Variants in COL21A1 observed in about 807,000 individuals in gnomAD.
The protein encoded by COL21A1 is collagen alpha-1(XXI) chain.
COL21A1 carries 149 observed loss-of-function variants against 137.9 expected under a neutral mutation model. The observed-to-expected ratio is 1.08, with a 90% CI of 0.95 to 1.24. The LOEUF (loss-of-function observed/expected upper bound fraction) is 1.24. COL21A1 is among the 50% of genes most tolerant of loss of function. The probability of loss-of-function intolerance (pLI) is 0.00; values close to 1 mark genes in which losing one functional copy is unlikely to be tolerated. For missense variants in COL21A1, 1,167 were observed against 1,158.4 expected (o/e 1.01, Z -0.11); for synonymous variants, 456 against 391.5 (o/e 1.16, Z -1.95).
intron 29 of COL21A1, 136 bp from the exon 30 acceptor site, chr6:56,057,980 G>A (rs1434500841): frequency 2.0e-5 from 11 of 561,396 alleles, no homozygotes; most frequent in Non-Finnish European, 2.0e-5. Flanking sequence ...TATAGTAGAG[G>A]CATTTTCTTG....
intron 1 of COL21A1, among the ~76,000 whole-genome samples, chr6:56,332,580 G>GC (rs138594043): frequency 1.1e-4 from 16 of 147,564 alleles, no homozygotes; most frequent in African/African-American, 3.4e-4. Flanking sequence ...TCACCAAATA[G>GC]CCCCCCCGCC....
chr6:56,297,680 AAC>A (rs1264070449), intron 1 of COL21A1, among the ~76,000 whole-genome samples: 2 of 152,160 alleles, frequency 1.3e-5, no homozygotes, highest in Non-Finnish European at 2.9e-5. Flanking sequence ...ATCCCTAAAA[AAC>A]AAGCATGTTT....
At chr6:56,155,591 A>C (rs1388955312) in intron 10 of COL21A1, among the ~76,000 whole-genome samples, 1 of 152,178 alleles carries the variant, frequency 6.6e-6, no homozygotes, top group Non-Finnish European at 1.5e-5. Context: ...TGACATTCAA[A>C]CATTCAAAAG....
At chr6:56,128,414 A>G (rs2152217249) in intron 12 of COL21A1, among the ~76,000 whole-genome samples, 1 of 152,244 alleles carries the variant, frequency 6.6e-6, no homozygotes, top group African/African-American at 2.4e-5. Context: ...TTGTCAGCTC[A>G]TATGGAAGGT....
At chr6:56,214,365 G>A (rs1428828216) in intron 1 of COL21A1, among the ~76,000 whole-genome samples, 1 of 152,040 alleles carries the variant, frequency 6.6e-6, no homozygotes, top group African/African-American at 2.4e-5. Flanking sequence ...TATGTGAAAA[G>A]CATCTCACTG....
intron 1 of COL21A1, among the ~76,000 whole-genome samples, chr6:56,268,294 C>A (rs867588939): frequency 3.9e-5 from 6 of 152,116 alleles, no homozygotes; most frequent in African/African-American, 1.4e-4. Flanking sequence ...CCCCACAGCC[C>A]GGAACATCTA....
intron 1 of COL21A1, among the ~76,000 whole-genome samples, chr6:56,274,513 A>G (rs1421378837): frequency 6.6e-6 from 1 of 152,226 alleles, no homozygotes; most frequent in African/African-American, 2.4e-5. Context: ...TGACTTCAAA[A>G]AAGTTTCAAG....
chr6:56,259,383 C>T (rs1358534547), intron 1 of COL21A1, among the ~76,000 whole-genome samples: 1 of 152,208 alleles, frequency 6.6e-6, no homozygotes, highest in African/African-American at 2.4e-5. Flanking sequence ...ACCACTGGTG[C>T]TATCATTCTA....
intron 1 of COL21A1, among the ~76,000 whole-genome samples, chr6:56,357,547 A>G (rs1336342454): frequency 3.3e-5 from 5 of 152,240 alleles, no homozygotes; most frequent in African/African-American, 1.2e-4. Context: ...GATGAATTCC[A>G]TAACATTTTT....
At chr6:56,269,653 TCAAAAAAAAAAA>T (rs1763477818) in intron 1 of COL21A1, among the ~76,000 whole-genome samples, 1 of 40,260 alleles carries the variant, frequency 2.5e-5, no homozygotes, top group African/African-American at 1.0e-4. Flanking sequence ...AGACTCCGTC[TCAAAAAAAAAAA>T]AAAAAAAAAA....
rs779484509 is a variant in COL21A1, at chr6:56,059,236, GGT to G, written c.2613_2614del (p.Pro872ArgfsTer71). 9.4e-6 allele frequency: 15 copies of G among 1,603,972 alleles called. No homozygotes were observed. The East Asian group carries it at 3.1e-4, about 34-fold the overall frequency. ...GCTCCCTTTTTCCCCATTTCTTCCTGGTAGGCCTGCAGGGTGTCAAACATCTG... is the reference window on the plus strand; with the variant it reads ...GCTCCCTTTTTCCCCATTTCTTCCTGAGGCCTGCAGGGTGTCAAACATCTG... On this transcript the variant is annotated frameshift_variant, in exon 29 of 30. Transcript: ENST00000244728. LOFTEE classifies it high-confidence loss of function.
chr6:56,100,066 G>C (rs1424606754), intron 17 of COL21A1, among the ~76,000 whole-genome samples: 1 of 152,188 alleles, frequency 6.6e-6, no homozygotes, highest in East Asian at 1.9e-4. Flanking sequence ...TTGCAGTCAA[G>C]GTTCTCCATT....
At position 56,222,137 on chromosome 6, in the gene COL21A1, G is replaced by T. The variant is rs1780872664; in HGVS notation, c.-39+25250C>A. 2.0e-5 allele frequency among the ~76,000 whole-genome samples: 3 copies of T among 152,094 alleles called. 1 individual carries two copies. Among genetic ancestry groups the T allele is most frequent in the African/African-American group, 7.2e-5 (3 of 41,420 alleles). ...AAAATACAAAAATTAGCCGGGCATG[G>T]TGGTGCATGCCTGTAATCCCAACTA... On this transcript the variant is annotated intron_variant, in intron 1 of 29. Coordinates refer to ENST00000244728, the MANE Select transcript of COL21A1 (RefSeq NM_030820.4).
At chr6:56,070,542 C>A (rs1264094298) in intron 21 of COL21A1, among the ~76,000 whole-genome samples, 4 of 151,480 alleles carry the variant, frequency 2.6e-5, no homozygotes, top group Non-Finnish European at 4.4e-5. Context: ...AAGTTTATAT[C>A]TTTATTATCC....
rs561515556 is a variant in COL21A1, at chr6:56,060,244, C to T, written c.2408-26G>A. On this transcript the variant is annotated intron_variant, in intron 27 of 29. Transcript: ENST00000244728. ...CTTTCAAAAACAAAGAAACCCCATC[C>T]CTTATGTTTAAATGGTGAGTTGGTG... The T allele has an allele frequency of 7.6e-4, 1,167 of 1,539,868 alleles. 16 individuals carry two copies. In the South Asian group the frequency reaches 0.013, roughly 17 times the overall value.
intron 20 of COL21A1, among the ~76,000 whole-genome samples, chr6:56,073,846 A>G (rs1766973939): frequency 6.6e-6 from 1 of 151,464 alleles, no homozygotes; most frequent in Non-Finnish European, 1.5e-5. Flanking sequence ...TCCACTAAAT[A>G]AAAATACCAA....
intron 1 of COL21A1, among the ~76,000 whole-genome samples, chr6:56,307,030 G>A (rs1255067627): frequency 2.0e-5 from 3 of 152,228 alleles, no homozygotes; most frequent in Admixed American, 2.0e-4. Flanking sequence ...AGAGGCTGCA[G>A]AACAGCAGAT....
intron 14 of COL21A1, among the ~76,000 whole-genome samples, chr6:56,125,175 C>T (rs1772938988): frequency 6.6e-6 from 1 of 151,706 alleles, no homozygotes; most frequent in Non-Finnish European, 1.5e-5. Context: ...CTCACACCAC[C>T]ACGCCCAGCT....
At chr6:56,365,071 T>C (rs978998050) in intron 1 of COL21A1, among the ~76,000 whole-genome samples, 1 of 152,170 alleles carries the variant, frequency 6.6e-6, no homozygotes, top group African/African-American at 2.4e-5. Context: ...TTGGGGTTCC[T>C]AACATGGATT....
Sources: allele counts gnomAD v4.1 joint callset (sites outside exome capture counted in the v4.1 genomes callset), GRCh38; gene constraint gnomAD v4.1.1; transcripts MANE v1.5; gene names NCBI Gene and HGNC (gene_info 2026-07-23, HGNC 2026-07-21).